Variants in KIF13A observed in about 807,000 individuals in gnomAD.
The protein encoded by KIF13A is kinesin-like protein KIF13A.
In KIF13A, 79 loss-of-function variants were observed where a neutral mutation model predicts 212.2. The observed-to-expected ratio is 0.37, with a 90% CI of 0.31 to 0.45. KIF13A has a LOEUF of 0.45. Ranked by LOEUF, KIF13A falls within the 20% of genes least tolerant of loss-of-function variation. The probability of loss-of-function intolerance (pLI) is 1.00; values close to 1 mark genes in which losing one functional copy is unlikely to be tolerated. For missense variants in KIF13A, 1,901 were observed against 2,209.0 expected (o/e 0.86, Z 2.79); for synonymous variants, 789 against 808.6 (o/e 0.98, Z 0.41).
intron 4 of KIF13A, among the ~76,000 whole-genome samples, chr6:17,866,579 C>G (rs34533620): frequency 0.048 from 7,243 of 152,060 alleles, 214 homozygotes; most frequent in East Asian, 0.088. Flanking sequence ...TTCTACCTGA[C>G]TGGGTGCTTT....
chr6:17,919,961 C>T lies in KIF13A; in HGVS notation c.147-21781G>A, dbSNP rs972579783. On this transcript the variant is annotated intron_variant, in intron 2 of 38. Transcript: ENST00000259711. The surrounding 1 kb of genome is among the most constrained non-coding windows in gnomAD (Gnocchi z 4.1). ...CTCATGGAAGGGAAGACATAAGCAG[C>T]AGGTTGAGTTAGAAGAAAATTTTTT... Among the ~76,000 whole-genome samples the T allele has an allele frequency of 2.0e-5, 3 of 152,146 alleles. No homozygotes were observed. The highest frequency in any genetic ancestry group is 4.4e-5 in the Non-Finnish European group (3 of 68,036).
chr6:17,982,552 T>C lies in KIF13A; in HGVS notation c.146+4502A>G, dbSNP rs888730708. Among the ~76,000 whole-genome samples, 1 of 152,208 alleles carries C rather than the reference T, an allele frequency of 6.6e-6. No individual in the cohort carries two copies. Among genetic ancestry groups the C allele is most frequent in the Non-Finnish European group, 1.5e-5 (1 of 68,046 alleles). ...AAGGTGTATTGTTCATCCTGCCATA[T>C]GGAAAAAATGAACAGGAAGCTAAAA... On this transcript the variant is annotated intron_variant, in intron 2 of 38. Coordinates refer to ENST00000259711, the MANE Select transcript of KIF13A (RefSeq NM_022113.6). This position sits in a 1 kb window ranked among gnomAD's most constrained non-coding sequence, Gnocchi z 5.1.
chr6:17,860,953 C>T (rs1289157411), intron 4 of KIF13A, among the ~76,000 whole-genome samples: 2 of 151,998 alleles, frequency 1.3e-5, no homozygotes, highest in African/African-American at 2.4e-5. Context: ...TACTAATACC[C>T]ACCGTATCCT....
At position 17,763,877 on chromosome 6, in the gene KIF13A, A is replaced by G; in HGVS notation, c.*233T>C. The G allele has an allele frequency of 7.2e-7, 1 of 1,394,146 alleles. No individual in the cohort carries two copies. The highest frequency in any genetic ancestry group is 1.6e-5 in the South Asian group (1 of 62,274). 86.4% of individuals were successfully genotyped at this position (1,394,146 alleles called of 1,614,324 possible). A position where few individuals can be genotyped will look rare whatever the true frequency, so the allele number is the denominator to read the frequency against. ...ATGAGATTGATCCTTATCCATCTGAACACTTCATTCAACACCAACCCATGT... is the reference window on the plus strand; with the variant it reads ...ATGAGATTGATCCTTATCCATCTGAGCACTTCATTCAACACCAACCCATGT... On this transcript the variant is annotated 3_prime_UTR_variant, in exon 39 of 39. Coordinates refer to ENST00000259711, the MANE Select transcript of KIF13A (RefSeq NM_022113.6).
chr6:17,815,388 C>CG (rs942580439), intron 17 of KIF13A, among the ~76,000 whole-genome samples: 6 of 152,266 alleles, frequency 3.9e-5, no homozygotes, highest in East Asian at 1.9e-4. Context: ...CTAACTCCCC[C>CG]GGGAAAAGGG....
At chr6:17,882,906 T>G (rs905227449) in intron 3 of KIF13A, among the ~76,000 whole-genome samples, 7 of 152,216 alleles carry the variant, frequency 4.6e-5, no homozygotes, top group African/African-American at 1.7e-4. Context: ...TATCCTGAAT[T>G]TCCATATCTG....
Position 17,898,019 on chromosome 6 carries a change from T to C in KIF13A, c.159+149A>G. ...TGACACTCTAACTTTATGTTAACAC[T>C]GATATTAATTGTTCATGATGTGAGT... is the stretch of plus-strand genomic sequence containing the variant. On this transcript the variant is annotated intron_variant, in intron 3 of 38. Transcript: ENST00000259711. This position sits in a 1 kb window ranked among gnomAD's most constrained non-coding sequence, Gnocchi z 5.2. The C allele has an allele frequency of 1.6e-6, 1 of 622,214 alleles. No homozygotes were observed. Among genetic ancestry groups the C allele is most frequent in the South Asian group, 2.5e-5 (1 of 40,164 alleles). The allele number at this position is 622,214 out of a possible 1,614,324, so 38.5% of individuals were successfully genotyped here. A position where few individuals can be genotyped will look rare whatever the true frequency, so the allele number is the denominator to read the frequency against.
downstream of KIF13A, among the ~76,000 whole-genome samples, chr6:17,763,400 G>A (rs1403057456): frequency 1.3e-5 from 2 of 150,744 alleles, no homozygotes; most frequent in African/African-American, 4.9e-5. Flanking sequence ...AGCCAGGGAG[G>A]TGGAGGCTGC....
Position 17,837,681 on chromosome 6 carries a change from G to A in KIF13A, c.831-98C>T. The A allele has an allele frequency of 2.4e-6, 2 of 839,832 alleles. No individual in the cohort carries two copies. The highest frequency in any genetic ancestry group is 3.8e-6 in the Non-Finnish European group (2 of 526,892). The allele number at this position is 839,832 out of a possible 1,614,324, so 52.0% of individuals were successfully genotyped here. On this transcript the variant is annotated intron_variant, in intron 9 of 38. Transcript: ENST00000259711. This position sits in a 1 kb window ranked among gnomAD's most constrained non-coding sequence, Gnocchi z 5.4. Reference sequence around the variant, plus strand: ...AAAGCTCCACAGTTAATACACGTTGGTGGCTCACGCCCGTAATCCCAGCAC... The same window carrying A: ...AAAGCTCCACAGTTAATACACGTTGATGGCTCACGCCCGTAATCCCAGCAC...
intron 2 of KIF13A, among the ~76,000 whole-genome samples, chr6:17,945,645 C>T (rs1374880995): frequency 6.6e-6 from 1 of 152,120 alleles, no homozygotes. Flanking sequence ...ACCATGTTTT[C>T]AAATTAGAAA....
downstream of KIF13A, chr6:17,759,960 G>A (rs963086688): frequency 2.1e-5 from 3 of 143,418 alleles, no homozygotes; most frequent in South Asian, 2.4e-4. Context: ...GCTGAGCCAC[G>A]GTCCAGGCAA....
rs1157349708 is a variant in KIF13A at position 17,843,549 on chromosome 6, T to C, written c.830+5828A>G. Among the ~76,000 whole-genome samples the C allele has an allele frequency of 1.3e-5, 2 of 152,322 alleles. No individual in the cohort carries two copies. The highest frequency in any genetic ancestry group is 2.1e-4 in the South Asian group (1 of 4,832). On this transcript the variant is annotated intron_variant, in intron 9 of 38. Transcript: ENST00000259711. The surrounding 1 kb of genome is among the most constrained non-coding windows in gnomAD (Gnocchi z 5.3). ...CTTCTTCCAGTTTGTACCACAGATA[T>C]GGATACGATGTTTGGAATGATAGAG...
chr6:17,966,977 T>C (rs1779384167), intron 2 of KIF13A, among the ~76,000 whole-genome samples: 1 of 152,240 alleles, frequency 6.6e-6, no homozygotes, highest in Non-Finnish European at 1.5e-5. Context: ...GTAATGCTCC[T>C]AATACTGCTT....
At chr6:17,881,825 G>A (rs1771093710) in intron 3 of KIF13A, 1 of 351,982 alleles carries the variant, frequency 2.8e-6, no homozygotes, top group African/African-American at 2.1e-5. Flanking sequence ...GTGAAACCTT[G>A]TCTCTACTGA....
intron 2 of KIF13A, among the ~76,000 whole-genome samples, chr6:17,957,582 A>G (rs1778444547): frequency 6.6e-6 from 1 of 152,224 alleles, no homozygotes; most frequent in Admixed American, 6.5e-5. Context: ...CCAGAAGCCC[A>G]GACTTGTGAC....
rs187331011 is a variant in KIF13A, at chr6:17,917,386, G to A, written c.147-19206C>T. Among the ~76,000 whole-genome samples, 30 of 151,742 alleles carry A rather than the reference G, an allele frequency of 2.0e-4. No homozygotes were observed. The East Asian group carries it at 5.8e-3, about 29-fold the overall frequency. On this transcript the variant is annotated intron_variant, in intron 2 of 38. Coordinates refer to ENST00000259711, the MANE Select transcript of KIF13A (RefSeq NM_022113.6). ...CTCCCGAGAAGCTGGGATTACAGGT[G>A]CCCGCCACCACGCCCAGCTAACTTT...
Position 17,829,443 on chromosome 6 carries a change from T to C in KIF13A, c.1402-1073A>G, listed in dbSNP as rs1170330060. 6.6e-6 allele frequency among the ~76,000 whole-genome samples: 1 copy of C among 152,142 alleles called. No homozygotes were observed. The highest frequency in any genetic ancestry group is 1.5e-5 in the Non-Finnish European group (1 of 68,032). ...GGTTCTCAGAGACCCCAGATCACAC[T>C]TTTAGAACTGCTTGCTTACACTGCA... On this transcript the variant is annotated intron_variant, in intron 13 of 38. Transcript: ENST00000259711. This position sits in a 1 kb window ranked among gnomAD's most constrained non-coding sequence, Gnocchi z 5.4.
At position 17,982,800 on chromosome 6, in the gene KIF13A, A is replaced by G. The variant is rs1415405309; in HGVS notation, c.146+4254T>C. The stretch of plus-strand genomic sequence containing the variant: ...GATCAGACCCGTAAGCCAACCACCT[A>G]TATTTTAAAAACCACCACTACCATT... On this transcript the variant is annotated intron_variant, in intron 2 of 38. Coordinates refer to ENST00000259711, the MANE Select transcript of KIF13A (RefSeq NM_022113.6). This position sits in a 1 kb window ranked among gnomAD's most constrained non-coding sequence, Gnocchi z 5.1. 8.5e-5 allele frequency among the ~76,000 whole-genome samples: 13 copies of G among 152,206 alleles called. 1 individual carries two copies. In the East Asian group the frequency reaches 2.5e-3, roughly 29 times the overall value.
Position 17,976,454 on chromosome 6 carries a change from G to A in KIF13A, c.146+10600C>T, listed in dbSNP as rs557185239. On this transcript the variant is annotated intron_variant, in intron 2 of 38. Transcript: ENST00000259711. ...GGTGCTAAGCCCTTCATTGCCCGGG[G>A]CCGGCAAGGCCGGCTGGCTGCTCCG... is the stretch of plus-strand genomic sequence containing the variant. Among the ~76,000 whole-genome samples the A allele has an allele frequency of 2.6e-5, 4 of 152,322 alleles. No homozygotes were observed. The East Asian group carries it at 7.7e-4, about 29-fold the overall frequency.
Sources: gnomAD v4.1 joint callset for allele counts (sites outside exome capture counted in the v4.1 genomes callset) on GRCh38, gnomAD v4.1.1 for gene constraint, Gnocchi (gnomAD v3.1) non-coding constraint, MANE v1.5 for transcripts, NCBI Gene and HGNC (gene_info 2026-07-23, HGNC 2026-07-21) for gene names.